Variants in ENOX1 observed in about 807,000 individuals in gnomAD.
ENOX1 encodes candidate growth-related and time keeping constitutive hydroquinone (NADH) oxidase.
In ENOX1, 42 loss-of-function variants were observed where a neutral mutation model predicts 82.5. The ratio of observed to expected loss-of-function variants is 0.51; its 90% CI spans 0.40 to 0.66. The LOEUF is 0.66. ENOX1 is among the 30% of genes least tolerant of loss of function. The probability of loss-of-function intolerance (pLI) is 0.00; values close to 1 mark genes in which losing one functional copy is unlikely to be tolerated. For synonymous variants in ENOX1, 271 were observed against 282.2 expected, an observed-to-expected ratio of 0.96 and a Z score of 0.40; for missense variants, 608 against 811.6, an observed-to-expected ratio of 0.75 and a Z score of 3.05.
chr13:43,469,871 A>T (rs1470259076), intron 3 of ENOX1, among the ~76,000 whole-genome samples: 2 of 151,924 alleles, frequency 1.3e-5, no homozygotes, highest in African/African-American at 4.8e-5. Context: ...TGACTTGAAG[A>T]CTTACTATAA....
At chr13:43,261,261 G>A (rs548207565) in intron 14 of ENOX1, among the ~76,000 whole-genome samples, 1 of 152,078 alleles carries the variant, frequency 6.6e-6, no homozygotes, top group Admixed American at 6.6e-5. Flanking sequence ...GACAAATGAG[G>A]AAATACAAGA....
intron 1 of ENOX1, among the ~76,000 whole-genome samples, chr13:43,676,489 A>G (rs966330937): frequency 6.6e-6 from 1 of 152,202 alleles, no homozygotes; most frequent in Non-Finnish European, 1.5e-5. Context: ...GAAGTCTGAA[A>G]GAGAAACAGT....
intron 2 of ENOX1, among the ~76,000 whole-genome samples, chr13:43,500,202 T>C (rs2076933147): frequency 1.3e-5 from 2 of 152,106 alleles, no homozygotes; most frequent in Non-Finnish European, 2.9e-5. Flanking sequence ...AAATAATGGC[T>C]GAACTTTTTA....
At chr13:43,369,085 C>T (rs765269500) in intron 5 of ENOX1, among the ~76,000 whole-genome samples, 2 of 151,950 alleles carry the variant, frequency 1.3e-5, no homozygotes, top group South Asian at 2.1e-4. Flanking sequence ...ATGTTGACTT[C>T]GGACTTGATA....
chr13:43,613,079 A>G (rs896251059), intron 2 of ENOX1, among the ~76,000 whole-genome samples: 2 of 152,214 alleles, frequency 1.3e-5, no homozygotes, highest in Non-Finnish European at 2.9e-5. Context: ...ATAAACACAT[A>G]CAATTTTTAT....
At chr13:43,550,664 T>G (rs1412540636) in intron 2 of ENOX1, among the ~76,000 whole-genome samples, 1 of 152,112 alleles carries the variant, frequency 6.6e-6, no homozygotes, top group African/African-American at 2.4e-5. Context: ...CTGGCCCAAT[T>G]TATAGGTGAG....
chr13:43,311,274 C>T (rs2047186484), intron 11 of ENOX1, among the ~76,000 whole-genome samples: 1 of 151,902 alleles, frequency 6.6e-6, no homozygotes, highest in Non-Finnish European at 1.5e-5. Context: ...AGCTATGAGG[C>T]TTAGGGCAAG....
chr13:43,590,025 C>T (rs1300206699), intron 2 of ENOX1, among the ~76,000 whole-genome samples: 1 of 151,816 alleles, frequency 6.6e-6, no homozygotes, highest in East Asian at 1.9e-4. Flanking sequence ...CAGCAAGCTA[C>T]AAATTTGCTT....
At chr13:43,606,238 A>AT (rs2153734483) in intron 2 of ENOX1, among the ~76,000 whole-genome samples, 1 of 152,308 alleles carries the variant, frequency 6.6e-6, no homozygotes, top group African/African-American at 2.4e-5. Flanking sequence ...ACCACTAGGG[A>AT]GAACAATTTG....
chr13:43,772,232 C>A (rs1253277943), intron 1 of ENOX1, among the ~76,000 whole-genome samples: 1 of 152,084 alleles, frequency 6.6e-6, no homozygotes, highest in Non-Finnish European at 1.5e-5. Context: ...TATTCACAGT[C>A]AGACACTATT....
intron 5 of ENOX1, among the ~76,000 whole-genome samples, chr13:43,398,019 T>C (rs2053258135): frequency 6.6e-6 from 1 of 152,152 alleles, no homozygotes; most frequent in Non-Finnish European, 1.5e-5. Context: ...GGGGGCTCTC[T>C]TGGGTCTCAT....
intron 11 of ENOX1, among the ~76,000 whole-genome samples, chr13:43,300,926 G>A (rs2046538669): frequency 6.6e-6 from 1 of 151,830 alleles, no homozygotes; most frequent in South Asian, 2.1e-4. Flanking sequence ...GCATGAGCCA[G>A]TGCTTTTTAA....
intron 1 of ENOX1, among the ~76,000 whole-genome samples, chr13:43,673,420 A>T (rs1046687558): frequency 6.6e-6 from 1 of 152,186 alleles, no homozygotes; most frequent in African/African-American, 2.4e-5. Flanking sequence ...GGACTGGGTG[A>T]ATGCCTCTAT....
chr13:43,214,457 T>C (rs936340675), intron 16 of ENOX1, among the ~76,000 whole-genome samples: 2 of 152,020 alleles, frequency 1.3e-5, no homozygotes, highest in African/African-American at 4.8e-5. Context: ...TCCCAGCAAA[T>C]CCATCACCAC....
At chr13:43,732,362 CTGTT>C (rs1262128893) in intron 1 of ENOX1, among the ~76,000 whole-genome samples, 1 of 152,238 alleles carries the variant, frequency 6.6e-6, no homozygotes, top group Non-Finnish European at 1.5e-5. Context: ...TCATTTCACA[CTGTT>C]TGTTCATGAG....
intron 5 of ENOX1, among the ~76,000 whole-genome samples, chr13:43,388,136 C>T (rs1175451323): frequency 1.3e-5 from 2 of 152,106 alleles, no homozygotes; most frequent in African/African-American, 4.8e-5. Flanking sequence ...TGAAGCCTGC[C>T]AGATTGGTGT....
intron 5 of ENOX1, among the ~76,000 whole-genome samples, chr13:43,407,488 G>A (rs759407276): frequency 6.6e-6 from 1 of 152,100 alleles, no homozygotes; most frequent in Admixed American, 6.6e-5. Flanking sequence ...TTGTTACATA[G>A]GTATACATGT....
At chr13:43,337,959 C>T (rs1188809765) in intron 9 of ENOX1, among the ~76,000 whole-genome samples, 3 of 152,198 alleles carry the variant, frequency 2.0e-5, no homozygotes, top group Non-Finnish European at 2.9e-5. Context: ...TATCCATGCT[C>T]ATTATATGTA....
At chr13:43,602,079 T>C (rs552144926) in intron 2 of ENOX1, among the ~76,000 whole-genome samples, 158 of 152,204 alleles carry the variant, frequency 1.0e-3, no homozygotes, top group African/African-American at 2.9e-3. Context: ...TAAAAATTTA[T>C]TGAAACAAAT....
Sources: gnomAD v4.1 joint callset for allele counts (sites outside exome capture counted in the v4.1 genomes callset) on GRCh38, gnomAD v4.1.1 for gene constraint, MANE v1.5 for transcripts, NCBI Gene and HGNC (gene_info 2026-07-23, HGNC 2026-07-21) for gene names.